FKBP9: variants seen among roughly 807,000 people sequenced by gnomAD.
FKBP9 encodes the protein FKBP prolyl isomerase 9, also known as peptidyl-prolyl cis-trans isomerase FKBP9.
In FKBP9, 27 loss-of-function variants were observed where a neutral mutation model predicts 55.6. That is an observed-to-expected ratio of 0.49 (90% confidence interval 0.36 to 0.67). The LOEUF (loss-of-function observed/expected upper bound fraction) is 0.67. Among genes scored for constraint, FKBP9 ranks in the 30% least tolerant of loss-of-function variants. The probability of loss-of-function intolerance (pLI) is 0.00; values close to 1 mark genes in which losing one functional copy is unlikely to be tolerated. For synonymous variants in FKBP9, 267 were observed against 296.5 expected (o/e 0.90, Z 1.02); for missense variants, 539 against 742.8 (o/e 0.73, Z 3.19).
chr7:32,957,617 T>G lies in FKBP9; in HGVS notation c.44T>G (p.Leu15Arg). 1 of 1,485,906 alleles carries G rather than the reference T, an allele frequency of 6.7e-7. No individual in the cohort carries two copies. Among genetic ancestry groups the G allele is most frequent in the Non-Finnish European group, 8.9e-7 (1 of 1,126,550 alleles). 92.0% of individuals were successfully genotyped at this position (1,485,906 alleles called of 1,614,324 possible). Reference protein sequence around the residue: ...GWRPPPPPLLLLLLWVTGQAA... With the variant: ...GWRPPPPPLLRLLLWVTGQAA... ...AGGCCCCCGCCGCCACCGCTGCTCC[T>G]GCTGCTGCTCTGGGTGACCGGGCAG... The change falls in exon 1 of 10, where the codon CTG (leucine) becomes CGG (arginine). Residue 15 changes from leucine (L) to arginine (R), a missense_variant. This residue lies in a region of FKBP9 where 236 missense variants were observed against 271.5 expected (regional missense o/e 0.87). Coordinates refer to ENST00000242209, the MANE Select transcript of FKBP9 (RefSeq NM_007270.5).
chr7:32,982,984 A>ATGTGTGTGTG (rs71559288), intron 5 of FKBP9, among the ~76,000 whole-genome samples: 11,245 of 141,992 alleles, frequency 0.079, 559 homozygotes, highest in Non-Finnish European at 0.11. Flanking sequence ...GTCAAAGGTT[A>ATGTGTGTGTG]TGTGTGTGTG....
chr7:32,972,544 A>T (rs1784274089), intron 1 of FKBP9, among the ~76,000 whole-genome samples: 1 of 152,262 alleles, frequency 6.6e-6, no homozygotes, highest in Non-Finnish European at 1.5e-5. Flanking sequence ...TTACATAATT[A>T]ATTACATTAT....
At chr7:32,981,957 G>A (rs1025771926) in intron 5 of FKBP9, among the ~76,000 whole-genome samples, 1 of 149,646 alleles carries the variant, frequency 6.7e-6, no homozygotes, top group Non-Finnish European at 1.5e-5. Context: ...TAACCTCCCT[G>A]TCTCCCCTAC....
At chr7:32,973,568 T>TA (rs1784291758) in intron 1 of FKBP9, among the ~76,000 whole-genome samples, 1 of 87,018 alleles carries the variant, frequency 1.1e-5, no homozygotes. Context: ...TGGATGACTT[T>TA]AAAAAAAATC....
chr7:32,968,857 C>T (rs1337061460), intron 1 of FKBP9, among the ~76,000 whole-genome samples: 2 of 151,934 alleles, frequency 1.3e-5, no homozygotes, highest in East Asian at 3.9e-4. Flanking sequence ...GGGGTTTTGC[C>T]ATGTTGGCCA....
intron 1 of FKBP9, among the ~76,000 whole-genome samples, chr7:32,960,098 T>A (rs1056357695): frequency 4.0e-5 from 6 of 149,122 alleles, no homozygotes; most frequent in African/African-American, 1.5e-4. Flanking sequence ...TCAACAACAC[T>A]TGTACTTGTC....
chr7:32,959,309 A>G (rs986832834), intron 1 of FKBP9, among the ~76,000 whole-genome samples: 18 of 152,208 alleles, frequency 1.2e-4, no homozygotes, highest in Admixed American at 1.0e-3. Flanking sequence ...GGAGGTTGAG[A>G]CAGGAGAATG....
chr7:32,974,708 G>A lies in FKBP9; in HGVS notation c.313G>A (p.Glu105Lys). 4 of 1,613,938 alleles carry A rather than the reference G, an allele frequency of 2.5e-6. No individual in the cohort carries two copies. The highest frequency in any genetic ancestry group is 1.1e-5 in the South Asian group (1 of 91,070). Reference sequence around the variant, plus strand: ...GGCTCTTGTTGGGATGTGCGTAAACGAGAGACGTTTCGTGAAGATTCCCCC... The same window carrying A: ...GGCTCTTGTTGGGATGTGCGTAAACAAGAGACGTTTCGTGAAGATTCCCCC... ...DQALVGMCVN[E>K]RRFVKIPPKL... The change falls in exon 2 of 10, where the codon GAG (glutamate) becomes AAG (lysine). Residue 105 changes from glutamate to lysine, a missense_variant. Coordinates refer to ENST00000242209, the MANE Select transcript of FKBP9 (RefSeq NM_007270.5).
chr7:32,959,838 A>C (rs1470110832), intron 1 of FKBP9, among the ~76,000 whole-genome samples: 2 of 152,108 alleles, frequency 1.3e-5, no homozygotes, highest in East Asian at 3.8e-4. Context: ...TCCATTCATC[A>C]GTTGATGGAC....
At chr7:32,963,125 G>A (rs1449780506) in intron 1 of FKBP9, among the ~76,000 whole-genome samples, 1 of 152,210 alleles carries the variant, frequency 6.6e-6, no homozygotes, top group Non-Finnish European at 1.5e-5. Context: ...GTTGGGCCTT[G>A]AGCATGGATG....
intron 1 of FKBP9, among the ~76,000 whole-genome samples, chr7:32,961,822 A>C (rs1784030948): frequency 6.6e-6 from 1 of 151,796 alleles, no homozygotes; most frequent in South Asian, 2.1e-4. Context: ...ATGAGAATCT[A>C]ATGCGTGATG....
In FKBP9 at chr7:32,976,374, A is replaced by G. The variant is rs141686148; in HGVS notation, c.578A>G (p.Tyr193Cys). 9.5e-5 allele frequency: 154 copies of G among 1,613,942 alleles called. No homozygotes were observed. In the African/African-American group the frequency reaches 1.9e-3, roughly 20 times the overall value. The stretch of plus-strand genomic sequence containing the variant: ...TTCAGTCACAATCGCATGAAAACAT[A>G]TGACACGTATGTGGGAATTGGCTGG... ...FDSSHNRMKT[Y>C]DTYVGIGWLI... The change falls in exon 4 of 10, where the codon TAT becomes TGT. Residue 193 changes from tyrosine (Y) to cysteine (C), a missense_variant. By Grantham distance (194) the Tyr-to-Cys change is radical. Transcript: ENST00000242209.
rs550169032 is a variant in FKBP9 at position 32,966,579 on chromosome 7, T to G, written c.222-8038T>G. Among the ~76,000 whole-genome samples, 39 of 152,262 alleles carry G rather than the reference T, an allele frequency of 2.6e-4. No homozygotes were observed. The South Asian group carries it at 7.3e-3, about 28-fold the overall frequency. On this transcript the variant is annotated intron_variant, in intron 1 of 9. Coordinates refer to ENST00000242209, the MANE Select transcript of FKBP9 (RefSeq NM_007270.5). ...ATTAATGACTCTTTGTCTTCTGGCTTTGGTTGGGTTCAGCCATTGGGACAT... is the reference window on the plus strand; with the variant it reads ...ATTAATGACTCTTTGTCTTCTGGCTGTGGTTGGGTTCAGCCATTGGGACAT...
At chr7:32,988,766 T>G in intron 6 of FKBP9, 114 bp downstream of exon 6, 1 of 1,028,562 alleles carries the variant, frequency 9.7e-7, no homozygotes, top group Non-Finnish European at 1.4e-6. Context: ...CTCCCTCTGT[T>G]GAACAGGCTG....
At chr7:32,979,598 T>A in intron 4 of FKBP9, 6 of 1,521,310 alleles carry the variant, frequency 3.9e-6, no homozygotes, top group Non-Finnish European at 3.6e-6. Context: ...AACTGAGGGA[T>A]TGGTTTGTTG....
chr7:32,985,502 G>A (rs1784559564), intron 5 of FKBP9, among the ~76,000 whole-genome samples: 1 of 151,722 alleles, frequency 6.6e-6, no homozygotes, highest in African/African-American at 2.4e-5. Flanking sequence ...TTTCATAGGT[G>A]TTCCATACAT....
intron 8 of FKBP9, among the ~76,000 whole-genome samples, chr7:33,001,765 G>T (rs1028889757): frequency 2.0e-5 from 3 of 151,844 alleles, no homozygotes; most frequent in Non-Finnish European, 2.9e-5. Context: ...TCATCTTCAG[G>T]CATATTGTTC....
At chr7:32,984,628 T>G (rs1443514779) in intron 5 of FKBP9, among the ~76,000 whole-genome samples, 2 of 152,188 alleles carry the variant, frequency 1.3e-5, no homozygotes, top group Admixed American at 6.6e-5. Context: ...AAATTTCCTG[T>G]CAGCCCCTTC....
Position 32,957,464 on chromosome 7 carries a change from G to A in FKBP9, c.-110G>A. The A allele has an allele frequency of 1.3e-6, 1 of 799,032 alleles. No individual in the cohort carries two copies. The highest frequency in any genetic ancestry group is 3.5e-5 in the East Asian group (1 of 28,756). The allele number at this position is 799,032 out of a possible 1,614,324, so 49.5% of individuals were successfully genotyped here. A position where few individuals can be genotyped will look rare whatever the true frequency, so the allele number is the denominator to read the frequency against. ...GGAGACGGGGTGGCGGCTGCAGCCC[G>A]GGTAGGGCCAGGAGACCCGGTCCAC... On this transcript the variant is annotated 5_prime_UTR_variant, in exon 1 of 10. Coordinates refer to ENST00000242209, the MANE Select transcript of FKBP9 (RefSeq NM_007270.5).
Sources: allele counts gnomAD v4.1 joint callset (sites outside exome capture counted in the v4.1 genomes callset), GRCh38; gene constraint gnomAD v4.1.1; regional missense constraint gnomAD v4.1.1; transcripts MANE v1.5; gene names NCBI Gene and HGNC (gene_info 2026-07-23, HGNC 2026-07-21).